Variants in LHFPL6 observed in about 807,000 individuals in gnomAD.
LHFPL6 encodes the protein LHFPL tetraspan subfamily member 6.
A neutral mutation model predicts 20.6 loss-of-function variants in LHFPL6; 9 were observed. The ratio of observed to expected loss-of-function variants is 0.44; its 90% CI spans 0.26 to 0.76. The LOEUF (loss-of-function observed/expected upper bound fraction) is 0.76, where lower values mean the gene tolerates loss of function less well. Ranked by LOEUF, LHFPL6 falls within the 30% of genes least tolerant of loss-of-function variation. The pLI is 0.20. For synonymous variants in LHFPL6, 105 were observed against 98.7 expected, an observed-to-expected ratio of 1.06 and a Z score of -0.38; for missense variants, 218 against 253.5, an observed-to-expected ratio of 0.86 and a Z score of 0.95.
chr13:39,599,098 G>A (rs1405103685), intron 2 of LHFPL6, among the ~76,000 whole-genome samples: 2 of 151,370 alleles, frequency 1.3e-5, no homozygotes, highest in Non-Finnish European at 1.5e-5. Flanking sequence ...TTCACTTCCT[G>A]TTGCCTTCCT....
chr13:39,500,629 AG>A (rs765823566), intron 2 of LHFPL6, among the ~76,000 whole-genome samples: 1 of 152,190 alleles, frequency 6.6e-6, no homozygotes, highest in Non-Finnish European at 1.5e-5. Flanking sequence ...ACCTGCTGAT[AG>A]ATTAACAAGG....
At chr13:39,387,975 C>T (rs773466567) in intron 2 of LHFPL6, among the ~76,000 whole-genome samples, 2 of 152,084 alleles carry the variant, frequency 1.3e-5, no homozygotes, top group Non-Finnish European at 2.9e-5. Context: ...GAGTGAGAAC[C>T]CCAGTTGTGA....
intron 2 of LHFPL6, among the ~76,000 whole-genome samples, chr13:39,593,742 A>T (rs2138551114): frequency 6.6e-6 from 1 of 151,324 alleles, no homozygotes; most frequent in East Asian, 1.9e-4. Context: ...TAACCAAAAC[A>T]GCATGGTACT....
At chr13:39,568,452 T>C (rs908245099) in intron 2 of LHFPL6, among the ~76,000 whole-genome samples, 21 of 152,126 alleles carry the variant, frequency 1.4e-4, no homozygotes, top group African/African-American at 5.1e-4. Flanking sequence ...TTCAATTTAG[T>C]ATATAAAAAG....
intron 2 of LHFPL6, among the ~76,000 whole-genome samples, chr13:39,589,176 G>C (rs988773077): frequency 2.0e-5 from 3 of 152,002 alleles, no homozygotes; most frequent in Non-Finnish European, 2.9e-5. Context: ...GCGCCACCTC[G>C]GTTCACTGCA....
intron 2 of LHFPL6, among the ~76,000 whole-genome samples, chr13:39,462,488 C>A (rs1405153594): frequency 1.3e-5 from 2 of 152,190 alleles, no homozygotes; most frequent in African/African-American, 2.4e-5. Context: ...TGTTTAAAGT[C>A]ATTTCCTTCT....
At chr13:39,418,816 G>A (rs1323935) in intron 2 of LHFPL6, among the ~76,000 whole-genome samples, 142,974 of 152,176 alleles carry the variant, frequency 0.94, 67,858 homozygotes, top group East Asian at 1. Context: ...GCATTAACAT[G>A]AAATTTCTGC....
At chr13:39,553,477 G>A (rs1442198573) in intron 2 of LHFPL6, among the ~76,000 whole-genome samples, 2 of 152,124 alleles carry the variant, frequency 1.3e-5, no homozygotes, top group South Asian at 2.1e-4. Flanking sequence ...TTGGGGAGGC[G>A]AAGATATGAG....
chr13:39,561,369 T>C (rs1324699034), intron 2 of LHFPL6, among the ~76,000 whole-genome samples: 1 of 152,138 alleles, frequency 6.6e-6, no homozygotes, highest in Admixed American at 6.5e-5. Context: ...AGAATCATCA[T>C]TGTTAATAAG....
chr13:39,563,225 C>T (rs1014515613), intron 2 of LHFPL6, among the ~76,000 whole-genome samples: 2 of 151,230 alleles, frequency 1.3e-5, no homozygotes, highest in Admixed American at 6.6e-5. Flanking sequence ...AAATAAAAAT[C>T]AGGATTAAAC....
intron 2 of LHFPL6, among the ~76,000 whole-genome samples, chr13:39,424,441 G>A (rs1871586783): frequency 6.6e-6 from 1 of 152,184 alleles, no homozygotes; most frequent in Non-Finnish European, 1.5e-5. Context: ...AAAGCTGTCA[G>A]CAACTGCGCC....
intron 2 of LHFPL6, among the ~76,000 whole-genome samples, chr13:39,487,393 T>C (rs1219925934): frequency 6.6e-6 from 1 of 152,222 alleles, no homozygotes; most frequent in African/African-American, 2.4e-5. Flanking sequence ...TGTCCTGCTC[T>C]AGCCACATCA....
At chr13:39,543,200 T>C (rs1044974076) in intron 2 of LHFPL6, among the ~76,000 whole-genome samples, 2 of 152,252 alleles carry the variant, frequency 1.3e-5, no homozygotes, top group Non-Finnish European at 2.9e-5. Context: ...TATTTCTTTT[T>C]AAGGCTGAAA....
chr13:39,384,902 G>A (rs1160677787), intron 2 of LHFPL6, among the ~76,000 whole-genome samples: 1 of 152,206 alleles, frequency 6.6e-6, no homozygotes, highest in East Asian at 1.9e-4. Context: ...GCATACGAGT[G>A]GAAGTGAGGA....
intron 3 of LHFPL6, among the ~76,000 whole-genome samples, chr13:39,347,009 G>GGTT (rs1869419472): frequency 6.7e-6 from 1 of 149,462 alleles, no homozygotes; most frequent in Non-Finnish European, 1.5e-5. Flanking sequence ...GAACCCGGGA[G>GGTT]GCGGAGGTTG....
chr13:39,481,717 G>T (rs112238710), intron 2 of LHFPL6, among the ~76,000 whole-genome samples: 2 of 152,132 alleles, frequency 1.3e-5, no homozygotes, highest in African/African-American at 2.4e-5. Context: ...GGAGGCATCC[G>T]CAGGAACTGG....
chr13:39,440,804 T>A (rs949298751), intron 2 of LHFPL6, among the ~76,000 whole-genome samples: 1 of 152,146 alleles, frequency 6.6e-6, no homozygotes, highest in African/African-American at 2.4e-5. Context: ...GGGAGGAACC[T>A]GGTGGGAGAT....
At chr13:39,451,981 T>C (rs902554919) in intron 2 of LHFPL6, among the ~76,000 whole-genome samples, 1 of 152,174 alleles carries the variant, frequency 6.6e-6, no homozygotes, top group African/African-American at 2.4e-5. Context: ...GCTTAAAAAC[T>C]ATTTTTGGAC....
intron 2 of LHFPL6, among the ~76,000 whole-genome samples, chr13:39,384,082 G>T (rs1454457989): frequency 1.3e-5 from 2 of 152,152 alleles, no homozygotes; most frequent in African/African-American, 2.4e-5. Flanking sequence ...TCTCTTACTG[G>T]TCAAACTCTG....
Sources: allele counts gnomAD v4.1 joint callset (sites outside exome capture counted in the v4.1 genomes callset), GRCh38; gene constraint gnomAD v4.1.1; transcripts MANE v1.5; gene names NCBI Gene and HGNC (gene_info 2026-07-23, HGNC 2026-07-21).